The following SND1 variants were observed in gnomAD, a reference collection of about 807,000 sequenced individuals.
SND1 encodes staphylococcal nuclease domain-containing protein 1.
Under a neutral mutation model 121.7 loss-of-function variants are expected in SND1, and 38 were observed. The ratio of observed to expected loss-of-function variants is 0.31; its 90% CI spans 0.24 to 0.41. SND1 has a LOEUF of 0.41. Ranked by LOEUF, SND1 falls within the 10% of genes least tolerant of loss-of-function variation. The pLI is 1.00. For missense variants in SND1, 868 were observed against 1,184.6 expected, an observed-to-expected ratio of 0.73 and a Z score of 3.92; for synonymous variants, 401 against 447.4, an observed-to-expected ratio of 0.90 and a Z score of 1.31.
chr7:128,063,850 A>G (rs1335337022), intron 16 of SND1, among the ~76,000 whole-genome samples: 5 of 152,358 alleles, frequency 3.3e-5, no homozygotes, highest in East Asian at 1.9e-4. Context: ...GCCTGGAACC[A>G]TGCAACTTGT....
At chr7:127,950,381 G>GA (rs1801434719) in intron 15 of SND1, among the ~76,000 whole-genome samples, 1 of 152,200 alleles carries the variant, frequency 6.6e-6, no homozygotes, top group Non-Finnish European at 1.5e-5. Flanking sequence ...AAGAAGTGGA[G>GA]AAAAAATAGT....
chr7:128,085,787 G>A lies in SND1; in HGVS notation c.2304+7G>A, dbSNP rs759917480. ...CTACATTGACTACGGCAACGTGAGT[G>A]TTGGGGACCAGAGTGTTGGAGGGGC... On this transcript the variant is annotated splice_region_variant and intron_variant, in intron 20 of 23. Coordinates refer to ENST00000354725, the MANE Select transcript of SND1 (RefSeq NM_014390.4). This position sits in a 1 kb window ranked among gnomAD's most constrained non-coding sequence, Gnocchi z 4.4. 6.2e-6 allele frequency: 10 copies of A among 1,613,160 alleles called. No individual in the cohort carries two copies. Among genetic ancestry groups the A allele is most frequent in the Middle Eastern group, 1.6e-4 (1 of 6,080 alleles).
chr7:128,016,522 G>A (rs985781574), intron 16 of SND1, among the ~76,000 whole-genome samples: 5 of 152,170 alleles, frequency 3.3e-5, no homozygotes, highest in African/African-American at 7.2e-5. Flanking sequence ...GCATGGGGCC[G>A]TGTGGGTGGC....
intron 10 of SND1, among the ~76,000 whole-genome samples, chr7:127,771,316 C>G (rs2116498016): frequency 6.6e-6 from 1 of 152,188 alleles, no homozygotes; most frequent in South Asian, 2.1e-4. Context: ...TTTTGTTTTC[C>G]ATAGATTGGT....
At chr7:127,877,977 C>T (rs1035777122) in intron 12 of SND1, among the ~76,000 whole-genome samples, 44 of 152,012 alleles carry the variant, frequency 2.9e-4, no homozygotes, top group Admixed American at 2.4e-3. Flanking sequence ...TCTCCCCGTT[C>T]TCTCTCCTCC....
intron 13 of SND1, among the ~76,000 whole-genome samples, chr7:127,895,530 G>A (rs543595292): frequency 5.3e-5 from 8 of 152,174 alleles, no homozygotes; most frequent in South Asian, 4.1e-4. Context: ...TAAGTGTCAC[G>A]ATCATGAGGT....
intron 14 of SND1, among the ~76,000 whole-genome samples, chr7:127,914,009 G>C (rs1434374592): frequency 6.6e-6 from 1 of 152,142 alleles, no homozygotes; most frequent in Non-Finnish European, 1.5e-5. Flanking sequence ...TAGAGCTCAG[G>C]GTTGCTTTGA....
Position 128,052,490 on chromosome 7 carries a change from C to G in SND1, c.1780-22012C>G, listed in dbSNP as rs1330550201. ...TTTTCCCCATTGGTGCAATCTCCTC[C>G]TAGCAGCATCTGCTGAAAGGGGTGT... On this transcript the variant is annotated intron_variant, in intron 16 of 23. Transcript: ENST00000354725. This position sits in a 1 kb window ranked among gnomAD's most constrained non-coding sequence, Gnocchi z 4.6. 6.6e-6 allele frequency among the ~76,000 whole-genome samples: 1 copy of G among 152,224 alleles called. No homozygotes were observed. The highest frequency in any genetic ancestry group is 1.5e-5 in the Non-Finnish European group (1 of 68,012).
Position 127,917,382 on chromosome 7 carries a change from A to G in SND1, c.1528-11806A>G, listed in dbSNP as rs370674788. ...CACGTATTTGTATGCATGCATGTAT[A>G]TGCTTTATTAAATCTATTTCTGAGC... On this transcript the variant is annotated intron_variant, in intron 14 of 23. Coordinates refer to ENST00000354725, the MANE Select transcript of SND1 (RefSeq NM_014390.4). Among the ~76,000 whole-genome samples, 22 of 152,306 alleles carry G rather than the reference A, an allele frequency of 1.4e-4. No homozygotes were observed. The East Asian group carries it at 3.3e-3, about 23-fold the overall frequency.
intron 16 of SND1, among the ~76,000 whole-genome samples, chr7:128,068,187 T>C (rs991390991): frequency 6.6e-6 from 1 of 151,992 alleles, no homozygotes; most frequent in African/African-American, 2.4e-5. Flanking sequence ...TCCTCCGTGG[T>C]TTGAAAGCTG....
At chr7:127,890,053 A>G (rs1799981617) in intron 13 of SND1, among the ~76,000 whole-genome samples, 1 of 152,072 alleles carries the variant, frequency 6.6e-6, no homozygotes, top group Non-Finnish European at 1.5e-5. Context: ...CAGCAGTGTG[A>G]TTGCTGGATC....
chr7:127,983,240 G>A (rs539838417), intron 15 of SND1, among the ~76,000 whole-genome samples: 1 of 152,136 alleles, frequency 6.6e-6, no homozygotes, highest in Non-Finnish European at 1.5e-5. Context: ...ACTGCTGGGA[G>A]CCTGTGGATT....
At position 127,798,207 on chromosome 7, in the gene SND1, G is replaced by T. The variant is rs149964376; in HGVS notation, c.1153-9277G>T. Among the ~76,000 whole-genome samples the T allele has an allele frequency of 9.2e-4, 140 of 152,258 alleles. 1 individual carries two copies. The highest frequency in any genetic ancestry group is 3.4e-3 in the Middle Eastern group (1 of 294). Reference sequence around the variant, plus strand: ...ATTTGCTTTACTTCTTCCCTCTTTGGTCCTGTGAAACTCTTGTTCTCCTAC... The same window carrying T: ...ATTTGCTTTACTTCTTCCCTCTTTGTTCCTGTGAAACTCTTGTTCTCCTAC... On this transcript the variant is annotated intron_variant, in intron 10 of 23. Transcript: ENST00000354725.
intron 1 of SND1, among the ~76,000 whole-genome samples, chr7:127,653,831 A>G (rs192256111): frequency 3.0e-4 from 45 of 152,262 alleles, no homozygotes; most frequent in Non-Finnish European, 1.0e-4. Context: ...GTTTATGTGT[A>G]ATGGAGGGTC....
At chr7:127,976,837 G>C (rs1802131580) in intron 15 of SND1, among the ~76,000 whole-genome samples, 1 of 152,192 alleles carries the variant, frequency 6.6e-6, no homozygotes, top group African/African-American at 2.4e-5. Flanking sequence ...GCCTGGGGCT[G>C]CTGCTGAGAG....
chr7:127,840,950 A>G, intron 11 of SND1, among the ~76,000 whole-genome samples: 1 of 152,310 alleles, frequency 6.6e-6, no homozygotes, highest in Admixed American at 6.5e-5. Flanking sequence ...AGGTGAATGT[A>G]GTTGTTTCTT....
chr7:127,909,414 C>T (rs991670978), intron 14 of SND1, among the ~76,000 whole-genome samples: 2 of 151,818 alleles, frequency 1.3e-5, no homozygotes, highest in South Asian at 2.1e-4. Context: ...CACCTTTCTC[C>T]GTGACTGATT....
At chr7:128,020,879 C>T (rs1014061657) in intron 16 of SND1, among the ~76,000 whole-genome samples, 5 of 152,308 alleles carry the variant, frequency 3.3e-5, no homozygotes, top group African/African-American at 1.2e-4. Flanking sequence ...ACAGCACCTC[C>T]AGTGCTTGCC....
chr7:127,859,156 G>A (rs1201191695), intron 12 of SND1, among the ~76,000 whole-genome samples: 3 of 152,150 alleles, frequency 2.0e-5, no homozygotes, highest in African/African-American at 7.2e-5. Flanking sequence ...GTTAAGTGAT[G>A]TTTAATGTCA....
Sources: gnomAD v4.1 joint callset for allele counts (sites outside exome capture counted in the v4.1 genomes callset) on GRCh38, gnomAD v4.1.1 for gene constraint, Gnocchi (gnomAD v3.1) non-coding constraint, MANE v1.5 for transcripts, NCBI Gene and HGNC (gene_info 2026-07-23, HGNC 2026-07-21) for gene names.